The following EFHB variants were observed in gnomAD, a reference collection of about 807,000 sequenced individuals.
The protein encoded by EFHB is EF-hand domain family member B.
Under a neutral mutation model 87.2 loss-of-function variants are expected in EFHB, and 91 were observed. The ratio of observed to expected loss-of-function variants is 1.04; its 90% CI spans 0.88 to 1.24. The LOEUF (loss-of-function observed/expected upper bound fraction) is 1.24. Ranked by LOEUF, EFHB falls within the 50% of genes most tolerant of loss-of-function variation. The pLI, the probability that EFHB is intolerant of heterozygous loss-of-function variation, is 0.00. For missense variants in EFHB, 1,084 were observed against 998.8 expected, an observed-to-expected ratio of 1.09 and a Z score of -1.15; for synonymous variants, 325 against 333.6, an observed-to-expected ratio of 0.97 and a Z score of 0.28.
At chr3:19,912,961 C>T (rs1342434077) in intron 5 of EFHB, among the ~76,000 whole-genome samples, 1 of 152,102 alleles carries the variant, frequency 6.6e-6, no homozygotes, top group Non-Finnish European at 1.5e-5. Context: ...GCTGAAAAAG[C>T]ATCTGATAAA....
At chr3:19,898,366 T>C (rs1299491020) in intron 8 of EFHB, among the ~76,000 whole-genome samples, 1 of 152,204 alleles carries the variant, frequency 6.6e-6, no homozygotes, top group Non-Finnish European at 1.5e-5. Context: ...GGATGGGGCC[T>C]GAGATTCTGC....
Position 19,896,673 on chromosome 3 carries a change from C to A in EFHB, c.1725+14G>T, listed in dbSNP as rs201950061. On this transcript the variant is annotated intron_variant, in intron 9 of 12. Coordinates refer to ENST00000295824, the MANE Select transcript of EFHB (RefSeq NM_144715.4). ...AGCCCATGCATTACCAAAAAGCTCT[C>A]CCCCATTACTGGCCTTGTCATAGTG... 33 of 1,613,826 alleles carry A rather than the reference C, an allele frequency of 2.0e-5. No individual in the cohort carries two copies. The highest frequency in any genetic ancestry group is 2.6e-5 in the Non-Finnish European group (31 of 1,179,858).
intron 12 of EFHB, among the ~76,000 whole-genome samples, chr3:19,881,469 G>C (rs1367672239): frequency 1.3e-5 from 2 of 152,092 alleles, no homozygotes; most frequent in African/African-American, 4.8e-5. Context: ...TTCCTTTAGG[G>C]GTTATGAAAC....
At chr3:19,933,135 C>G in intron 1 of EFHB, 95 bp downstream of exon 1, 1 of 1,385,164 alleles carries the variant, frequency 7.2e-7, no homozygotes. Flanking sequence ...TGTGATTTGT[C>G]TCTTCAAACC....
At chr3:19,896,991 A>C in intron 8 of EFHB, 150 bp from the exon 9 acceptor site, 1 of 676,372 alleles carries the variant, frequency 1.5e-6, no homozygotes, top group South Asian at 2.1e-5. Context: ...GAAAATCCTT[A>C]TGTACTCTAA....
At chr3:19,901,614 G>A (rs1388881382) in intron 6 of EFHB, among the ~76,000 whole-genome samples, 2 of 152,166 alleles carry the variant, frequency 1.3e-5, no homozygotes, top group Admixed American at 1.3e-4. Flanking sequence ...AATCAATGCA[G>A]TTTAGGGCTA....
intron 5 of EFHB, 125 bp from the exon 6 acceptor site, chr3:19,905,874 G>T: frequency 1.7e-6 from 2 of 1,170,448 alleles, no homozygotes; most frequent in Non-Finnish European, 2.3e-6. Flanking sequence ...TTGTAACAGT[G>T]CAGAAACTGC....
intron 4 of EFHB, among the ~76,000 whole-genome samples, chr3:19,916,099 C>G (rs1471549977): frequency 6.6e-6 from 1 of 152,202 alleles, no homozygotes; most frequent in African/African-American, 2.4e-5. Flanking sequence ...GCAGACTTCT[C>G]AAGATGATCT....
intron 4 of EFHB, among the ~76,000 whole-genome samples, chr3:19,916,480 A>C (rs1575029934): frequency 6.6e-6 from 1 of 151,888 alleles, no homozygotes; most frequent in South Asian, 2.1e-4. Context: ...ACGACACTGC[A>C]CTCCAGCCTG....
intron 11 of EFHB, among the ~76,000 whole-genome samples, chr3:19,883,559 G>C (rs2071735297): frequency 6.6e-6 from 1 of 152,082 alleles, no homozygotes; most frequent in African/African-American, 2.4e-5. Flanking sequence ...GATGTTATAG[G>C]TTGAATTGTC....
intron 9 of EFHB, among the ~76,000 whole-genome samples, chr3:19,895,939 C>T (rs1414214504): frequency 6.6e-6 from 1 of 152,184 alleles, no homozygotes; most frequent in East Asian, 1.9e-4. Flanking sequence ...TAAAATGAAG[C>T]AAGGCAATTA....
In EFHB at chr3:19,893,147, C is replaced by T. The variant is rs138719902; in HGVS notation, c.1725+3540G>A. Among the ~76,000 whole-genome samples, 74 of 152,096 alleles carry T rather than the reference C, an allele frequency of 4.9e-4. No individual in the cohort carries two copies. The East Asian group carries it at 7.6e-3, about 16-fold the overall frequency. On this transcript the variant is annotated intron_variant, in intron 9 of 12. Transcript: ENST00000295824. ...TGTATTTTTAGTAGAGATGGAGTTT[C>T]GCCATGTTGGTCAGGCTGGTCTCGA...
chr3:19,915,375 AG>A lies in EFHB; in HGVS notation c.1215del (p.Tyr406MetfsTer68), dbSNP rs776421001. On this transcript the variant is annotated frameshift_variant, in exon 5 of 13. Coordinates refer to ENST00000295824, the MANE Select transcript of EFHB (RefSeq NM_144715.4). LOFTEE classifies it high-confidence loss of function. ...SAKDVVNPPK[S>X]YEEVFKEGNE... Reference sequence around the variant, plus strand: ...TTTCCTTCTTTAAATACTTCTTCATAGGATTTTGGTGGATTCACCACATCTT... The same window carrying A: ...TTTCCTTCTTTAAATACTTCTTCATAGATTTTGGTGGATTCACCACATCTT... The A allele has an allele frequency of 1.9e-6, 3 of 1,613,154 alleles. No homozygotes were observed. Among genetic ancestry groups the A allele is most frequent in the Non-Finnish European group, 1.7e-6 (2 of 1,179,418 alleles).
chr3:19,885,508 C>G (rs1694068778), intron 10 of EFHB, among the ~76,000 whole-genome samples: 1 of 152,144 alleles, frequency 6.6e-6, no homozygotes, highest in African/African-American at 2.4e-5. Flanking sequence ...CTTTGCTGAG[C>G]CAATTCTGAA....
At chr3:19,898,698 G>T in intron 8 of EFHB, 80 bp downstream of exon 8, 1 of 1,330,048 alleles carries the variant, frequency 7.5e-7, no homozygotes, top group Admixed American at 1.9e-5. Flanking sequence ...TAAGGAGATG[G>T]TGAGCTTAAC....
intron 1 of EFHB, among the ~76,000 whole-genome samples, chr3:19,925,282 T>C (rs1695582189): frequency 6.6e-6 from 1 of 150,528 alleles, no homozygotes. Flanking sequence ...AATGTATGAA[T>C]AGACAAACAC....
chr3:19,902,343 T>G (rs1049114586), intron 6 of EFHB, among the ~76,000 whole-genome samples: 1 of 151,932 alleles, frequency 6.6e-6, no homozygotes, highest in Non-Finnish European at 1.5e-5. Context: ...ATCGTTTTTG[T>G]TTGTTTGTTT....
upstream of EFHB, chr3:19,936,435 A>G (rs1285611236): frequency 8.0e-6 from 4 of 501,290 alleles, no homozygotes; most frequent in Non-Finnish European, 7.1e-6. Flanking sequence ...GTAGTGGTAC[A>G]TGCCTATAGT....
chr3:19,898,801 G>A lies in EFHB; in HGVS notation c.1547C>T (p.Ala516Val). 2 of 1,613,742 alleles carry A rather than the reference G, an allele frequency of 1.2e-6. No homozygotes were observed. Among genetic ancestry groups the A allele is most frequent in the South Asian group, 1.1e-5 (1 of 90,984 alleles). ...MNVPPDCTFG[A>V]CLRPEEYGVG... ...ACCATATTCCTCAGGACGGAGACAA[G>A]CTCCAAATGTGCAGTCTGGGGGAAC... Residue 516 changes from alanine (A) to valine (V), a missense_variant, in exon 8 of 13, where the codon GCT (alanine) becomes GTT (valine). Coordinates refer to ENST00000295824, the MANE Select transcript of EFHB (RefSeq NM_144715.4).
Sources: gnomAD v4.1 joint callset for allele counts (sites outside exome capture counted in the v4.1 genomes callset) on GRCh38, gnomAD v4.1.1 for gene constraint, MANE v1.5 for transcripts, NCBI Gene and HGNC (gene_info 2026-07-23, HGNC 2026-07-21) for gene names.